FGF14: variants seen among roughly 807,000 people sequenced by gnomAD.
FGF14 encodes fibroblast growth factor homologous factor 4.
In FGF14, 5 loss-of-function variants were observed where a neutral mutation model predicts 25.5. The observed-to-expected ratio is 0.20, with a 90% CI of 0.10 to 0.41. FGF14 has a LOEUF of 0.41. Among genes scored for constraint, FGF14 ranks in the 10% least tolerant of loss-of-function variants. The probability of loss-of-function intolerance (pLI) is 1.00; values close to 1 mark genes in which losing one functional copy is unlikely to be tolerated. For synonymous variants in FGF14, 138 were observed against 118.3 expected (o/e 1.17, Z -1.08); for missense variants, 222 against 320.1 (o/e 0.69, Z 2.34).
At chr13:102,387,673 C>G (rs1390975875) in intron 1 of FGF14, among the ~76,000 whole-genome samples, 30 of 151,680 alleles carry the variant, frequency 2.0e-4, no homozygotes, top group Non-Finnish European at 1.5e-5. Context: ...AGATTATTTT[C>G]TCATCCAAGT....
intron 3 of FGF14, among the ~76,000 whole-genome samples, chr13:101,849,002 G>C (rs996800749): frequency 6.6e-6 from 1 of 151,762 alleles, no homozygotes; most frequent in Non-Finnish European, 1.5e-5. Flanking sequence ...TTACTTTCTC[G>C]CTCATTTTTT....
chr13:101,738,932 T>A (rs1272336835), intron 3 of FGF14, among the ~76,000 whole-genome samples: 1 of 102,076 alleles, frequency 9.8e-6, no homozygotes, highest in Non-Finnish European at 2.3e-5. Context: ...TATATGTATA[T>A]GTATATATTG....
chr13:102,272,073 C>T (rs1159772815), intron 1 of FGF14, among the ~76,000 whole-genome samples: 2 of 152,136 alleles, frequency 1.3e-5, no homozygotes, highest in African/African-American at 4.8e-5. Flanking sequence ...ACACACCAAC[C>T]CTGGCCGAAT....
At chr13:102,089,990 T>A (rs1218506722) in intron 1 of FGF14, among the ~76,000 whole-genome samples, 3 of 152,224 alleles carry the variant, frequency 2.0e-5, no homozygotes, top group East Asian at 3.8e-4. Flanking sequence ...CCATTTGCCA[T>A]ATCTGAAGCT....
chr13:101,834,832 G>A (rs555590389), intron 3 of FGF14, among the ~76,000 whole-genome samples: 1 of 152,168 alleles, frequency 6.6e-6, no homozygotes, highest in South Asian at 2.1e-4. Flanking sequence ...GAGGAATACA[G>A]TGTTAGGGTC....
intron 1 of FGF14, among the ~76,000 whole-genome samples, chr13:102,343,130 A>G (rs780996952): frequency 6.6e-6 from 1 of 152,168 alleles, no homozygotes; most frequent in Admixed American, 6.5e-5. Context: ...ACTAATTGTC[A>G]TGCAGGGCCT....
chr13:102,208,150 C>T (rs745655382), intron 1 of FGF14, among the ~76,000 whole-genome samples: 1 of 152,186 alleles, frequency 6.6e-6, no homozygotes, highest in Non-Finnish European at 1.5e-5. Context: ...AAAGCAGTGA[C>T]GGTGAGAGAT....
chr13:101,773,261 C>G (rs958830013), intron 3 of FGF14, among the ~76,000 whole-genome samples: 1 of 152,168 alleles, frequency 6.6e-6, no homozygotes, highest in African/African-American at 2.4e-5. Flanking sequence ...CTCAGAAATT[C>G]TCCAGCCTGA....
At chr13:102,339,666 T>C (rs1452343476) in intron 1 of FGF14, among the ~76,000 whole-genome samples, 3 of 152,154 alleles carry the variant, frequency 2.0e-5, no homozygotes, top group Non-Finnish European at 4.4e-5. Flanking sequence ...ATTCTATAAG[T>C]CTGCACCTAG....
At chr13:102,133,292 T>G (rs768291887) in intron 1 of FGF14, among the ~76,000 whole-genome samples, 1 of 152,236 alleles carries the variant, frequency 6.6e-6, no homozygotes, top group Non-Finnish European at 1.5e-5. Flanking sequence ...TTGGAATAGC[T>G]TCTCCTAATT....
intron 1 of FGF14, among the ~76,000 whole-genome samples, chr13:102,074,796 C>T (rs1460558073): frequency 2.0e-5 from 3 of 152,098 alleles, no homozygotes; most frequent in Non-Finnish European, 4.4e-5. Flanking sequence ...AAACATGATC[C>T]ACCATATTAG....
At chr13:102,161,614 AAGAAGAAGAAGAAGAAG>A (rs2047691081) in intron 1 of FGF14, among the ~76,000 whole-genome samples, 2 of 5,340 alleles carry the variant, frequency 3.7e-4, no homozygotes, top group Non-Finnish European at 6.9e-4. Context: ...GAAGAAGAAG[AAGAAGAAGAAGAAGAAG>A]AAGAAGAAGA....
At chr13:101,813,704 T>C (rs1189499912) in intron 3 of FGF14, among the ~76,000 whole-genome samples, 1 of 152,202 alleles carries the variant, frequency 6.6e-6, no homozygotes, top group Admixed American at 6.5e-5. Context: ...ATTGGCCCAG[T>C]ACAAAGTGTT....
chr13:101,993,909 T>C (rs538373007), intron 1 of FGF14, among the ~76,000 whole-genome samples: 11 of 151,822 alleles, frequency 7.2e-5, no homozygotes, highest in African/African-American at 2.7e-4. Context: ...ACCCTAAAAC[T>C]TAAAGTATAA....
intron 1 of FGF14, among the ~76,000 whole-genome samples, chr13:102,034,967 T>C (rs2139960349): frequency 6.6e-6 from 1 of 152,238 alleles, no homozygotes; most frequent in South Asian, 2.1e-4. Flanking sequence ...TGGAATTGAA[T>C]CCTGGATGTC....
intron 1 of FGF14, among the ~76,000 whole-genome samples, chr13:101,949,562 A>T (rs1340350342): frequency 6.6e-6 from 1 of 152,178 alleles, no homozygotes; most frequent in East Asian, 1.9e-4. Context: ...CAGTAAAGGC[A>T]CATTGGTTCT....
intron 1 of FGF14, among the ~76,000 whole-genome samples, chr13:102,344,922 C>T (rs1356045872): frequency 6.6e-6 from 1 of 152,222 alleles, no homozygotes; most frequent in Admixed American, 6.5e-5. Context: ...GAATGAGAAG[C>T]TGTGGGAAAC....
At chr13:102,036,880 T>C (rs1181129055) in intron 1 of FGF14, among the ~76,000 whole-genome samples, 1 of 152,172 alleles carries the variant, frequency 6.6e-6, no homozygotes, top group African/African-American at 2.4e-5. Context: ...CTCTTATATT[T>C]TAAAATTCTT....
Position 102,347,734 on chromosome 13 carries a change from G to A in FGF14, c.208+53737C>T, listed in dbSNP as rs961559161. 1.7e-4 allele frequency among the ~76,000 whole-genome samples: 26 copies of A among 152,162 alleles called. 1 individual carries two copies. The highest frequency in any genetic ancestry group is 2.9e-5 in the Non-Finnish European group (2 of 68,034). On this transcript the variant is annotated intron_variant, in intron 1 of 4. Coordinates refer to the FGF14 transcript ENST00000376131. ...TGGGTCACTGGGGTCAGCCACTGAA[G>A]CGGAATCAGGCCTCGGAACACTAGG...
Sources: gnomAD v4.1 joint callset for allele counts (sites outside exome capture counted in the v4.1 genomes callset) on GRCh38, gnomAD v4.1.1 for gene constraint, MANE v1.5 for transcripts, NCBI Gene and HGNC (gene_info 2026-07-23, HGNC 2026-07-21) for gene names.